ASB15: variants seen among roughly 807,000 people sequenced by gnomAD.
ASB15 encodes the protein ankyrin repeat and SOCS box protein 15.
A neutral mutation model predicts 58.0 loss-of-function variants in ASB15; 54 were observed. The ratio of observed to expected loss-of-function variants is 0.93; its 90% CI spans 0.75 to 1.17. The LOEUF is 1.17. Among genes scored for constraint, ASB15 ranks in the 50% most tolerant of loss-of-function variants. The pLI is 0.00. For synonymous variants in ASB15, 249 were observed against 262.4 expected (o/e 0.95, Z 0.50); for missense variants, 680 against 707.4 (o/e 0.96, Z 0.44).
At chr7:123,623,979 GAAAGA>G (rs1384612784) in intron 7 of ASB15, among the ~76,000 whole-genome samples, 2 of 132,634 alleles carry the variant, frequency 1.5e-5, no homozygotes, top group African/African-American at 5.4e-5. Context: ...AAGAAAGAAA[GAAAGA>G]AAGAAAGAAA....
At chr7:123,628,719 A>G (rs1655818316) in intron 9 of ASB15, 145 bp from the exon 10 acceptor site, 1 of 522,562 alleles carries the variant, frequency 1.9e-6, no homozygotes, top group South Asian at 4.4e-5. Context: ...CTCGGCAGAC[A>G]AAGGTTAAAT....
intron 1 of ASB15, among the ~76,000 whole-genome samples, chr7:123,586,524 GTTTCC>G (rs1247837174): frequency 6.6e-6 from 1 of 151,602 alleles, no homozygotes; most frequent in Non-Finnish European, 1.5e-5. Flanking sequence ...TTCGTTGATT[GTTTCC>G]TTTGCTGTGC....
At chr7:123,617,231 A>C (rs1422801870) in intron 6 of ASB15, among the ~76,000 whole-genome samples, 1 of 152,128 alleles carries the variant, frequency 6.6e-6, no homozygotes, top group Non-Finnish European at 1.5e-5. Context: ...CCATTCCCAC[A>C]TTCACAGATT....
At chr7:123,583,572 A>G (rs920468163) in intron 1 of ASB15, among the ~76,000 whole-genome samples, 20 of 152,114 alleles carry the variant, frequency 1.3e-4, no homozygotes, top group African/African-American at 4.3e-4. Flanking sequence ...ACTAGTATAA[A>G]CTTTTAAAAA....
At chr7:123,624,990 C>T (rs1801679858) in intron 8 of ASB15, 176 bp downstream of exon 8, 1 of 701,188 alleles carries the variant, frequency 1.4e-6, no homozygotes, top group South Asian at 1.9e-5. Flanking sequence ...TATTCTACAA[C>T]TCAGCTAAGC....
chr7:123,626,054 T>C (rs1227267572), intron 8 of ASB15, among the ~76,000 whole-genome samples: 1 of 152,204 alleles, frequency 6.6e-6, no homozygotes, highest in Non-Finnish European at 1.5e-5. Context: ...CACTGGAATA[T>C]CATACAGTTT....
chr7:123,625,404 G>A (rs1801708190), intron 8 of ASB15, among the ~76,000 whole-genome samples: 2 of 152,152 alleles, frequency 1.3e-5, no homozygotes, highest in South Asian at 4.1e-4. Flanking sequence ...CTATAGGGCA[G>A]CTACAATAGT....
chr7:123,594,184 C>T (rs1386030484), intron 1 of ASB15, among the ~76,000 whole-genome samples: 4 of 151,980 alleles, frequency 2.6e-5, no homozygotes, highest in African/African-American at 9.7e-5. Context: ...TTCCTCTAAC[C>T]TTTTTTCAAG....
intron 8 of ASB15, among the ~76,000 whole-genome samples, chr7:123,626,263 G>A (rs965579783): frequency 1.3e-5 from 2 of 152,182 alleles, no homozygotes; most frequent in African/African-American, 4.8e-5. Flanking sequence ...CAGCATTTTG[G>A]AAGGCCAAGG....
intron 2 of ASB15, among the ~76,000 whole-genome samples, chr7:123,608,102 T>A (rs970566622): frequency 6.6e-6 from 1 of 152,158 alleles, no homozygotes; most frequent in Admixed American, 6.5e-5. Context: ...TTTTTTCTTG[T>A]TCTTATTTTA....
chr7:123,601,330 G>T, upstream of ASB15, among the ~76,000 whole-genome samples: 1 of 152,016 alleles, frequency 6.6e-6, no homozygotes, highest in East Asian at 1.9e-4. Context: ...GATCAGATTA[G>T]ATGTCACTGA....
intron 11 of ASB15, among the ~76,000 whole-genome samples, chr7:123,635,088 C>T (rs1466206108): frequency 1.3e-5 from 2 of 152,120 alleles, no homozygotes; most frequent in Non-Finnish European, 2.9e-5. Context: ...ACTTAAAGGA[C>T]ATAGCAAAAA....
chr7:123,592,706 T>A (rs1378887924), intron 1 of ASB15, among the ~76,000 whole-genome samples: 1 of 152,288 alleles, frequency 6.6e-6, no homozygotes. Flanking sequence ...TACTTCCAAT[T>A]TTTTGGTCAA....
chr7:123,569,357 G>A (rs925528180), intron 1 of ASB15, among the ~76,000 whole-genome samples: 4 of 152,102 alleles, frequency 2.6e-5, no homozygotes, highest in Admixed American at 2.6e-4. Flanking sequence ...TCAGATACAT[G>A]TAAATAGCAA....
At chr7:123,594,188 T>C (rs1407409061) in intron 1 of ASB15, among the ~76,000 whole-genome samples, 2 of 152,276 alleles carry the variant, frequency 1.3e-5, no homozygotes, top group African/African-American at 4.8e-5. Context: ...TCTAACCTTT[T>C]TTCAAGGTTT....
chr7:123,623,591 C>T (rs139028981), intron 7 of ASB15, among the ~76,000 whole-genome samples: 35 of 152,040 alleles, frequency 2.3e-4, no homozygotes, highest in African/African-American at 8.0e-4. Flanking sequence ...GAGGGCCGGG[C>T]GTGGTAGCTC....
chr7:123,596,253 A>G (rs1799689158), intron 1 of ASB15: 1 of 152,164 alleles, frequency 6.6e-6, no homozygotes, highest in Non-Finnish European at 1.5e-5. Context: ...AATTTGAAAT[A>G]TAAAGACCTG....
In ASB15 at chr7:123,627,216, C is replaced by T. The variant is rs767884941; in HGVS notation, c.804C>T (p.Ser268=). The change falls in exon 9 of 12, where the codon AGC becomes AGT. Residue 268 remains serine (S), a synonymous_variant. Transcript: ENST00000451215. ...CISLLLEYGG[S]GNVPNRAGHL... ...CCCTCCTGCTGGAATATGGAGGAAGCGGAAATGTACCTAACCGAGCAGGAC... is the reference window on the plus strand; with the variant it reads ...CCCTCCTGCTGGAATATGGAGGAAGTGGAAATGTACCTAACCGAGCAGGAC... 38 of 1,613,660 alleles carry T rather than the reference C, an allele frequency of 2.4e-5. No individual in the cohort carries two copies. In the South Asian group the frequency reaches 4.0e-4, roughly 17 times the overall value.
intron 1 of ASB15, among the ~76,000 whole-genome samples, chr7:123,570,935 G>T (rs1798893388): frequency 6.6e-6 from 1 of 152,148 alleles, no homozygotes; most frequent in South Asian, 2.1e-4. Context: ...CGGCCTGGGT[G>T]AGTCCTTTAA....
Sources: gnomAD v4.1 joint callset for allele counts (sites outside exome capture counted in the v4.1 genomes callset) on GRCh38, gnomAD v4.1.1 for gene constraint, MANE v1.5 for transcripts, NCBI Gene and HGNC (gene_info 2026-07-23, HGNC 2026-07-21) for gene names.